The following PTCH2 variants were observed in gnomAD, a reference collection of about 807,000 sequenced individuals.
PTCH2 encodes the protein protein patched homolog 2.
PTCH2 carries 96 observed loss-of-function variants against 117.9 expected under a neutral mutation model. The ratio of observed to expected loss-of-function variants is 0.81; its 90% CI spans 0.69 to 0.96. The LOEUF (loss-of-function observed/expected upper bound fraction) is 0.96. Among genes scored for constraint, PTCH2 ranks in the 50% least tolerant of loss-of-function variants. The probability of loss-of-function intolerance (pLI) is 0.00; values close to 1 mark genes in which losing one functional copy is unlikely to be tolerated. For missense variants in PTCH2, 1,379 were observed against 1,562.5 expected (o/e 0.88, Z 1.98); for synonymous variants, 615 against 660.9 (o/e 0.93, Z 1.06).
In PTCH2 at chr1:44,827,520, G is replaced by A. The variant is rs1364687036; in HGVS notation, c.2253C>T (p.His751=). ...GCAGATCAAAGAGGGCGCGTTGGGAGTGGGCGTAGTCAAAGCCACCCTGGG... is the reference window on the plus strand; with the variant it reads ...GCAGATCAAAGAGGGCGCGTTGGGAATGGGCGTAGTCAAAGCCACCCTGGG... ...LVTQGGFDYA[H]SQRALFDLHQ... Residue 751 remains histidine (H), a synonymous_variant, in exon 15 of 22, where the codon CAC becomes CAT. Transcript: ENST00000372192. 6.2e-7 allele frequency: 1 copy of A among 1,614,118 alleles called. No homozygotes were observed. Among genetic ancestry groups the A allele is most frequent in the Admixed American group, 1.7e-5 (1 of 60,026 alleles).
rs1409552509 is a variant in PTCH2 at position 44,827,652 on chromosome 1, CACCAAGG to C, written c.2114_2120del (p.Thr705SerfsTer7). ...CATCCGTCAGGGCCAGGCCGTCTTG[CACCAAGG>C]TGGCTCCGTAGAGGCTCAGGCCCAG... is the stretch of plus-strand genomic sequence containing the variant. On this transcript the variant is annotated frameshift_variant, in exon 15 of 22. Transcript: ENST00000372192. LOFTEE classifies it high-confidence loss of function. The C allele has an allele frequency of 1.2e-6, 2 of 1,613,276 alleles. No individual in the cohort carries two copies. The highest frequency in any genetic ancestry group is 4.5e-5 in the East Asian group (2 of 44,880).
downstream of PTCH2, chr1:44,820,600 G>A (rs1226332450): frequency 5.8e-6 from 4 of 687,012 alleles, no homozygotes; most frequent in Non-Finnish European, 1.1e-5. Context: ...TGGCGTATGA[G>A]AAATTAGGGA....
At chr1:44,842,189 T>C in intron 1 of PTCH2, 150 bp from the exon 2 acceptor site, 1 of 740,330 alleles carries the variant, frequency 1.4e-6, no homozygotes, top group East Asian at 2.7e-5. Flanking sequence ...GGCCCAGACT[T>C]GGAAGATGTA....
In PTCH2 at chr1:44,831,832, C is replaced by T. The variant is rs754927210; in HGVS notation, c.526-35G>A. On this transcript the variant is annotated intron_variant, in intron 4 of 21. Transcript: ENST00000372192. This position sits in a 1 kb window ranked among gnomAD's most constrained non-coding sequence, Gnocchi z 4.3. ...ATACCCCGGGCCACGTCAGTCCTGC[C>T]CCACAACCTTTGTAGGATGCCCTCT... 5.1e-5 allele frequency: 82 copies of T among 1,605,602 alleles called. No individual in the cohort carries two copies. The highest frequency in any genetic ancestry group is 3.3e-4 in the Middle Eastern group (2 of 6,048).
intron 2 of PTCH2, among the ~76,000 whole-genome samples, chr1:44,834,128 T>G (rs905447495): frequency 6.6e-6 from 1 of 151,364 alleles, no homozygotes; most frequent in African/African-American, 2.4e-5. Context: ...TTCCCTTTTT[T>G]TTTTTTTTGA....
At position 44,831,181 on chromosome 1, in the gene PTCH2, G is replaced by T; in HGVS notation, c.618-138C>A. On this transcript the variant is annotated intron_variant, in intron 5 of 21. Coordinates refer to ENST00000372192, the MANE Select transcript of PTCH2 (RefSeq NM_003738.5). The surrounding 1 kb of genome is among the most constrained non-coding windows in gnomAD (Gnocchi z 4.3). ...CCATATGGAGGGTGTGCAAGCCTCA[G>T]CTTCTCAGAACTGCCAGGCTGCATG... 1.1e-6 allele frequency: 1 copy of T among 911,578 alleles called. No homozygotes were observed. Among genetic ancestry groups the T allele is most frequent in the Non-Finnish European group, 1.7e-6 (1 of 603,190 alleles). The allele number at this position is 911,578 out of a possible 1,614,324, so 56.5% of individuals were successfully genotyped here. A position where few individuals can be genotyped will look rare whatever the true frequency, so the allele number is the denominator to read the frequency against.
intron 1 of PTCH2, among the ~76,000 whole-genome samples, chr1:44,842,362 C>A (rs971781339): frequency 2.0e-5 from 3 of 150,316 alleles, no homozygotes; most frequent in African/African-American, 7.4e-5. Flanking sequence ...TGACTGCAAC[C>A]TCCGCCTCCC....
At chr1:44,828,660 C>T in intron 11 of PTCH2, 29 bp from the exon 12 acceptor site, 1 of 1,605,886 alleles carries the variant, frequency 6.2e-7, no homozygotes, top group Non-Finnish European at 8.5e-7. Context: ...GACCTGCCCT[C>T]AGGTCACAAG....
Position 44,829,896 on chromosome 1 carries a change from G to T in PTCH2, c.935+13C>A, listed in dbSNP as rs772563964. The T allele has an allele frequency of 1.2e-6, 2 of 1,614,058 alleles. No homozygotes were observed. Among genetic ancestry groups the T allele is most frequent in the East Asian group, 4.5e-5 (2 of 44,876 alleles). ...AACAGAGTCCCCTCACCAACTCCCAGAGGAGACCCTACCTCAGCAGCTCTC... is the reference window on the plus strand; with the variant it reads ...AACAGAGTCCCCTCACCAACTCCCATAGGAGACCCTACCTCAGCAGCTCTC... On this transcript the variant is annotated intron_variant, in intron 7 of 21. Coordinates refer to ENST00000372192, the MANE Select transcript of PTCH2 (RefSeq NM_003738.5).
chr1:44,833,851 T>A (rs1379090365), intron 2 of PTCH2, among the ~76,000 whole-genome samples: 2 of 151,674 alleles, frequency 1.3e-5, no homozygotes, highest in African/African-American at 4.8e-5. Flanking sequence ...GGCCCCAAGT[T>A]GGTCTTAAAT....
chr1:44,828,468 C>G (rs1278980834), intron 12 of PTCH2, 38 bp downstream of exon 12: 9 of 1,614,048 alleles, frequency 5.6e-6, no homozygotes, highest in Non-Finnish European at 7.6e-6. Flanking sequence ...GCCTCAGCCC[C>G]ACACCCACCC....
chr1:44,835,800 C>T lies in PTCH2; in HGVS notation c.266-3459G>A, dbSNP rs187394509. 6.6e-5 allele frequency among the ~76,000 whole-genome samples: 10 copies of T among 152,246 alleles called. No individual in the cohort carries two copies. In the East Asian group the frequency reaches 1.7e-3, roughly 26 times the overall value. On this transcript the variant is annotated intron_variant, in intron 2 of 21. Coordinates refer to ENST00000372192, the MANE Select transcript of PTCH2 (RefSeq NM_003738.5). ...GTGCCCACGAGAAGAAGTCAGGAAACGTGTCCTGGACCAGGTGTGCGCAGG... is the reference window on the plus strand; with the variant it reads ...GTGCCCACGAGAAGAAGTCAGGAAATGTGTCCTGGACCAGGTGTGCGCAGG...
chr1:44,834,536 A>C (rs1488466091), intron 2 of PTCH2, among the ~76,000 whole-genome samples: 1 of 152,214 alleles, frequency 6.6e-6, no homozygotes, highest in Non-Finnish European at 1.5e-5. Flanking sequence ...AAGAGGACAG[A>C]GATAAGCTCT....
At chr1:44,830,757 C>G in intron 6 of PTCH2, 91 bp downstream of exon 6, 1 of 1,336,042 alleles carries the variant, frequency 7.5e-7, no homozygotes. Context: ...GGTCAGGGCA[C>G]AGAGCAGTCA....
chr1:44,823,327 G>T lies in PTCH2; in HGVS notation c.3173C>A (p.Thr1058Lys). The change falls in exon 20 of 22, where the codon ACA becomes AAA. Residue 1058 changes from threonine to lysine, a missense_variant. Physicochemically the swap from Thr to Lys is moderately conservative, Grantham distance 78. Coordinates refer to ENST00000372192, the MANE Select transcript of PTCH2 (RefSeq NM_003738.5). The surrounding 1 kb of genome is among the most constrained non-coding windows in gnomAD (Gnocchi z 5.1). ...GGCCCCATCGGTCACGGGGGCAAAT[G>T]TGTGCTCAAGGGCATGGGCGGCCCG... ...NLRAAHALEH[T>K]FAPVTDGAIS... The T allele has an allele frequency of 1.2e-6, 2 of 1,614,238 alleles. No individual in the cohort carries two copies. The highest frequency in any genetic ancestry group is 1.7e-6 in the Non-Finnish European group (2 of 1,180,044).
At chr1:44,832,084 G>C in intron 3 of PTCH2, 40 bp from the exon 4 acceptor site, 1 of 1,612,368 alleles carries the variant, frequency 6.2e-7, no homozygotes, top group Non-Finnish European at 8.5e-7. Context: ...CAGAAGAAGG[G>C]GATTCCCACT....
At position 44,841,996 on chromosome 1, in the gene PTCH2, T is replaced by A. The variant is rs746706971; in HGVS notation, c.116A>T (p.Tyr39Phe). 1.2e-6 allele frequency: 2 copies of A among 1,614,176 alleles called. No homozygotes were observed. Among genetic ancestry groups the A allele is most frequent in the East Asian group, 4.5e-5 (2 of 44,890 alleles). ...CAGAGAGAAGAGCAGGCCCTGGAAG[T>A]AAGCACGAAGCCAGAGTGGAGCCTT... ...SLKAPLWLRA[Y>F]FQGLLFSLGC... Residue 39 changes from tyrosine (Y) to phenylalanine (F), a missense_variant, in exon 2 of 22, where the codon TAC (tyrosine) becomes TTC (phenylalanine). Physicochemically the swap from Tyr to Phe is conservative, Grantham distance 22. Coordinates refer to ENST00000372192, the MANE Select transcript of PTCH2 (RefSeq NM_003738.5).
At chr1:44,830,158 T>C in intron 6 of PTCH2, 128 bp from the exon 7 acceptor site, 1 of 1,301,124 alleles carries the variant, frequency 7.7e-7, no homozygotes, top group Non-Finnish European at 1.1e-6. Flanking sequence ...GTAACTATTC[T>C]GAGCCTCTTG....
rs752335873 is a variant in PTCH2 at position 44,828,602 on chromosome 1, C to T, written c.1494G>A (p.Thr498=). ...QERMGECLQR[T]GTSVVLTSIN... is the part of the protein sequence containing the mutation. Reference sequence around the variant, plus strand: ...TGGATGTGAGTACGACACTGGTGCCCGTGCGCTGCAGACACTCGCCCATGC... The same window carrying T: ...TGGATGTGAGTACGACACTGGTGCCTGTGCGCTGCAGACACTCGCCCATGC... Residue 498 remains threonine, a synonymous_variant, in exon 12 of 22, where the codon ACG becomes ACA. Coordinates refer to ENST00000372192, the MANE Select transcript of PTCH2 (RefSeq NM_003738.5). 7 of 1,613,354 alleles carry T rather than the reference C, an allele frequency of 4.3e-6. No homozygotes were observed. The highest frequency in any genetic ancestry group is 1.3e-5 in the African/African-American group (1 of 74,902).
Sources: gnomAD v4.1 joint callset for allele counts (sites outside exome capture counted in the v4.1 genomes callset) on GRCh38, gnomAD v4.1.1 for gene constraint, Gnocchi (gnomAD v3.1) non-coding constraint, MANE v1.5 for transcripts, NCBI Gene and HGNC (gene_info 2026-07-23, HGNC 2026-07-21) for gene names.